DAAM1: variants seen among roughly 807,000 people sequenced by gnomAD.
DAAM1 encodes disheveled-associated activator of morphogenesis 1.
Under a neutral mutation model 130.0 loss-of-function variants are expected in DAAM1, and 52 were observed. The ratio of observed to expected loss-of-function variants is 0.40; its 90% CI spans 0.32 to 0.50. The LOEUF is 0.50. Among genes scored for constraint, DAAM1 ranks in the 20% least tolerant of loss-of-function variants. DAAM1 has a pLI of 0.61. For missense variants in DAAM1, 1,134 were observed against 1,303.8 expected, an observed-to-expected ratio of 0.87 and a Z score of 2.01; for synonymous variants, 452 against 444.5, an observed-to-expected ratio of 1.02 and a Z score of -0.21.
chr14:59,321,849 G>A (rs567219005), intron 5 of DAAM1, among the ~76,000 whole-genome samples: 32 of 152,224 alleles, frequency 2.1e-4, no homozygotes, highest in Non-Finnish European at 4.0e-4. Context: ...GATGTTAATC[G>A]ATATCCAAGC....
intron 2 of DAAM1, chr14:59,264,487 A>T (rs568489506): frequency 6.6e-6 from 1 of 152,338 alleles, no homozygotes; most frequent in Admixed American, 6.5e-5. Context: ...GGAAAAAAAC[A>T]TCTTCTTCTA....
At chr14:59,235,451 C>G (rs994337246) in intron 1 of DAAM1, among the ~76,000 whole-genome samples, 3 of 152,266 alleles carry the variant, frequency 2.0e-5, no homozygotes, top group Admixed American at 1.3e-4. Flanking sequence ...ATAGTATTCT[C>G]TAATGGTAGT....
chr14:59,251,429 C>T (rs192746918), intron 1 of DAAM1, among the ~76,000 whole-genome samples: 93 of 146,282 alleles, frequency 6.4e-4, no homozygotes, highest in African/African-American at 2.1e-3. Context: ...TCTTTCACTC[C>T]GCCGTGTTTT....
chr14:59,327,377 A>G (rs1283161602), intron 12 of DAAM1, among the ~76,000 whole-genome samples: 2 of 144,646 alleles, frequency 1.4e-5, no homozygotes, highest in African/African-American at 5.2e-5. Flanking sequence ...AAAATTTTAA[A>G]AGAGAAGAAC....
intron 1 of DAAM1, among the ~76,000 whole-genome samples, chr14:59,238,398 G>C (rs1889370481): frequency 2.0e-5 from 3 of 152,258 alleles, no homozygotes; most frequent in Non-Finnish European, 2.9e-5. Flanking sequence ...GGCATTTGTA[G>C]TTACTGCTCT....
In DAAM1 at chr14:59,288,832, G is replaced by GGAGAGAGAGA. The variant is rs58762540; in HGVS notation, c.184-2365_184-2356dup. Among the ~76,000 whole-genome samples the GGAGAGAGAGA allele has an allele frequency of 7.1e-3, 1,025 of 143,972 alleles. 10 individuals carry two copies. The highest frequency in any genetic ancestry group is 0.032 in the Middle Eastern group (9 of 284). 94.5% of individuals were successfully genotyped at this position (143,972 alleles called of 152,430 possible). A position where few individuals can be genotyped will look rare whatever the true frequency, so the allele number is the denominator to read the frequency against. Reference sequence around the variant, plus strand: ...GCAAGCACATTTTCCTGTGATAGCAGGAGAGAGAGAGAGAGAGAGAGAGAG... The same window carrying GGAGAGAGAGA: ...GCAAGCACATTTTCCTGTGATAGCAGGAGAGAGAGAGAGAGAGAGAGAGAGAGAGAGAGAG... On this transcript the variant is annotated intron_variant, in intron 2 of 24. Coordinates refer to ENST00000360909, the MANE Select transcript of DAAM1 (RefSeq NM_001270520.2).
At chr14:59,277,993 C>T (rs1347816116) in intron 2 of DAAM1, among the ~76,000 whole-genome samples, 5 of 152,190 alleles carry the variant, frequency 3.3e-5, no homozygotes, top group Admixed American at 6.5e-5. Flanking sequence ...TTTTCCTATA[C>T]ATATATATCT....
At chr14:59,279,572 A>T (rs1883121361) in intron 2 of DAAM1, among the ~76,000 whole-genome samples, 1 of 152,210 alleles carries the variant, frequency 6.6e-6, no homozygotes, top group Non-Finnish European at 1.5e-5. Flanking sequence ...ACTGTGTGTT[A>T]TCCAGAAGTA....
At chr14:59,362,349 G>A (rs1251790398) in intron 22 of DAAM1, 1 of 152,042 alleles carries the variant, frequency 6.6e-6, no homozygotes, top group Non-Finnish European at 1.5e-5. Context: ...AAAATAGTGG[G>A]GGCAGAGCTT....
chr14:59,227,684 A>G (rs1205167787), intron 1 of DAAM1, among the ~76,000 whole-genome samples: 1 of 152,172 alleles, frequency 6.6e-6, no homozygotes, highest in Non-Finnish European at 1.5e-5. Context: ...GCTCCAGAAC[A>G]TGATTAGGAG....
intron 2 of DAAM1, among the ~76,000 whole-genome samples, chr14:59,277,564 G>A (rs111977890): frequency 0.066 from 10,006 of 151,614 alleles, 422 homozygotes; most frequent in Non-Finnish European, 0.097. Context: ...CCAAGAAGAA[G>A]AGCCTTTTAA....
chr14:59,320,572 C>A lies in DAAM1; in HGVS notation c.428C>A (p.Thr143Lys), dbSNP rs1267063330. 2 of 1,560,858 alleles carry A rather than the reference C, an allele frequency of 1.3e-6. No homozygotes were observed. Among genetic ancestry groups the A allele is most frequent in the South Asian group, 1.3e-5 (1 of 79,798 alleles). ...GAGAGTTTAAAGACAGCACTGAGGA[C>A]AAAACCAATGAGGTAATTTTCCCCT... ...TIESLKTALR[T>K]KPMRFVTRFI... Residue 143 changes from threonine to lysine, a missense_variant, in exon 5 of 25, where the codon ACA becomes AAA. Around this residue, in one of 3 missense-constraint regions of DAAM1, gnomAD observed 391 missense variants for 521.6 expected, o/e 0.75. Transcript: ENST00000360909.
chr14:59,238,255 G>A (rs758618083), intron 1 of DAAM1, among the ~76,000 whole-genome samples: 3 of 152,012 alleles, frequency 2.0e-5, no homozygotes, highest in Non-Finnish European at 4.4e-5. Flanking sequence ...CTTGCCTTCC[G>A]CTCCACTAAG....
At chr14:59,243,218 T>C (rs1881207111) in intron 1 of DAAM1, among the ~76,000 whole-genome samples, 1 of 152,198 alleles carries the variant, frequency 6.6e-6, no homozygotes. Context: ...TATCTGGTTT[T>C]GTATTTACCG....
chr14:59,233,274 A>G (rs908845174), intron 1 of DAAM1, among the ~76,000 whole-genome samples: 8 of 152,080 alleles, frequency 5.3e-5, no homozygotes, highest in African/African-American at 1.9e-4. Flanking sequence ...AAGCGTTCCT[A>G]TTTCTCCTCA....
At chr14:59,198,204 TTTC>T (rs1433453697) in intron 1 of DAAM1, among the ~76,000 whole-genome samples, 258 of 146,858 alleles carry the variant, frequency 1.8e-3, no homozygotes, top group African/African-American at 6.0e-3. Context: ...TTTTCTTTTC[TTTC>T]TTTTTTTTTT....
At position 59,199,377 on chromosome 14, in the gene DAAM1, C is replaced by T. The variant is rs368329189; in HGVS notation, c.-38+10609C>T. ...CCTCCGGAGTTGCTGGGATTACAGG[C>T]GCATGCAACCGTGCAGGGCTGATCA... is the stretch of plus-strand genomic sequence containing the variant. On this transcript the variant is annotated intron_variant, in intron 1 of 24. Transcript: ENST00000360909. 5.3e-5 allele frequency among the ~76,000 whole-genome samples: 8 copies of T among 152,164 alleles called. No individual in the cohort carries two copies. The East Asian group carries it at 5.8e-4, about 11-fold the overall frequency.
chr14:59,358,410 T>C (rs1886568930), intron 20 of DAAM1, among the ~76,000 whole-genome samples: 1 of 152,242 alleles, frequency 6.6e-6, no homozygotes, highest in South Asian at 2.1e-4. Flanking sequence ...AGTTAGGAGC[T>C]GAAGTGTTGC....
intron 2 of DAAM1, among the ~76,000 whole-genome samples, chr14:59,281,044 C>A (rs1326000951): frequency 1.3e-5 from 1 of 74,810 alleles, no homozygotes; most frequent in African/African-American, 3.1e-5. Context: ...AGGATGAGTT[C>A]TTCTTACTGT....
Sources: allele counts gnomAD v4.1 joint callset (sites outside exome capture counted in the v4.1 genomes callset), GRCh38; gene constraint gnomAD v4.1.1; regional missense constraint gnomAD v4.1.1; transcripts MANE v1.5; gene names NCBI Gene and HGNC (gene_info 2026-07-23, HGNC 2026-07-21).